The following ZNF69 variants were observed in gnomAD, a reference collection of about 807,000 sequenced individuals.
ZNF69 encodes the protein ZNF3.
A neutral mutation model predicts 50.9 loss-of-function variants in ZNF69; 47 were observed. The ratio of observed to expected loss-of-function variants is 0.92; its 90% CI spans 0.73 to 1.18. ZNF69 has a LOEUF of 1.18. ZNF69 is among the 50% of genes most tolerant of loss of function. The probability of loss-of-function intolerance (pLI) is 0.00; values close to 1 mark genes in which losing one functional copy is unlikely to be tolerated. For missense variants in ZNF69, 717 were observed against 675.1 expected (o/e 1.06, Z -0.69); for synonymous variants, 216 against 223.1 (o/e 0.97, Z 0.29).
At chr19:11,948,560 C>T in the ZNF69 span, 1 of 1,608,512 alleles carries the variant, frequency 6.2e-7, no homozygotes, top group South Asian at 1.1e-5. Context: ...AGGTATCGCC[C>T]ATCCATTAGA....
intron 4 of ZNF69, chr19:11,913,332 G>A (rs751528312): frequency 9.6e-5 from 51 of 529,308 alleles, no homozygotes; most frequent in East Asian, 7.2e-4. Flanking sequence ...TTTTTTTTTC[G>A]GAAATTTTAC....
chr19:11,931,870 C>T, the ZNF69 span, among the ~76,000 whole-genome samples: 5 of 148,126 alleles, frequency 3.4e-5, no homozygotes, highest in Non-Finnish European at 5.9e-5. Flanking sequence ...AATCCCAACA[C>T]TTTAGGAGGT....
chr19:11,948,499 T>C, the ZNF69 span: 1 of 1,613,912 alleles, frequency 6.2e-7, no homozygotes, highest in Non-Finnish European at 8.5e-7. Flanking sequence ...GTATCAGGAA[T>C]ATGGACCAAA....
chr19:11,932,153 G>T, the ZNF69 span, among the ~76,000 whole-genome samples: 2 of 146,982 alleles, frequency 1.4e-5, no homozygotes, highest in African/African-American at 2.7e-5. Flanking sequence ...AAATAAATTA[G>T]TCCAGCCTGG....
chr19:11,944,751 T>C, the ZNF69 span, among the ~76,000 whole-genome samples: 1 of 152,202 alleles, frequency 6.6e-6, no homozygotes, highest in African/African-American at 2.4e-5. Flanking sequence ...GCCGGGACGG[T>C]TGGACCCTGC....
chr19:11,953,798 A>G, the ZNF69 span, among the ~76,000 whole-genome samples: 1 of 152,336 alleles, frequency 6.6e-6, no homozygotes, highest in Admixed American at 6.5e-5. Flanking sequence ...AAACAAATAC[A>G]TACCATAACA....
the ZNF69 span, among the ~76,000 whole-genome samples, chr19:11,966,674 G>A: frequency 0.027 from 4,132 of 152,134 alleles, 167 homozygotes; most frequent in African/African-American, 0.092. Flanking sequence ...TCGCCTGGCC[G>A]CAAGGTATGT....
chr19:11,927,985 T>A, the ZNF69 span, among the ~76,000 whole-genome samples: 1 of 151,942 alleles, frequency 6.6e-6, no homozygotes, highest in African/African-American at 2.4e-5. Context: ...AGAAGGCTGA[T>A]GTATGAGATA....
the ZNF69 span, among the ~76,000 whole-genome samples, chr19:11,971,674 C>A: frequency 2.0e-5 from 3 of 152,136 alleles, no homozygotes; most frequent in Non-Finnish European, 4.4e-5. Flanking sequence ...CCATTTATTG[C>A]ATTTTATATT....
At chr19:11,911,814 TATAATAATA>T (rs574789924) in intron 4 of ZNF69, among the ~76,000 whole-genome samples, 2 of 151,740 alleles carry the variant, frequency 1.3e-5, no homozygotes, top group African/African-American at 2.4e-5. Flanking sequence ...GAACTTAAAG[TATAATAATA>T]ATAATAATAA....
the ZNF69 span, chr19:11,949,124 G>A: frequency 6.2e-7 from 1 of 1,612,424 alleles, no homozygotes; most frequent in Non-Finnish European, 8.5e-7. Flanking sequence ...TGTAAGATAT[G>A]TGGGAAAGGC....
chr19:11,936,489 T>G, the ZNF69 span, among the ~76,000 whole-genome samples: 1 of 152,256 alleles, frequency 6.6e-6, no homozygotes, highest in African/African-American at 2.4e-5. Context: ...ATGTCTTCTT[T>G]TGAGAAATGT....
chr19:11,914,101 A>C (rs1972497918), exon 5 of ZNF69: 2 of 152,182 alleles, frequency 1.3e-5, no homozygotes, highest in African/African-American at 4.8e-5. Flanking sequence ...TGGGAGGCCG[A>C]GGTCAGGAGT....
chr19:11,910,051 T>A (rs1271203130), downstream of ZNF69, among the ~76,000 whole-genome samples: 2 of 151,538 alleles, frequency 1.3e-5, no homozygotes, highest in Non-Finnish European at 2.9e-5. Context: ...AGCCAAATCA[T>A]GAGTGAACTC....
At chr19:11,958,961 C>T in the ZNF69 span, among the ~76,000 whole-genome samples, 2 of 152,184 alleles carry the variant, frequency 1.3e-5, no homozygotes, top group African/African-American at 4.8e-5. Context: ...CGGCTCACTG[C>T]AACCTCTGCC....
At chr19:11,933,118 A>G in the ZNF69 span, among the ~76,000 whole-genome samples, 52 of 147,698 alleles carry the variant, frequency 3.5e-4, 3 homozygotes, top group Admixed American at 2.8e-3. Context: ...AGTTCCCCCT[A>G]TTTTAAACAT....
At position 11,911,814 on chromosome 19, in the gene ZNF69, TATAATA is replaced by T. The variant is rs574789924; in HGVS notation, c.449-1581_449-1576del. Among the ~76,000 whole-genome samples the T allele has an allele frequency of 3.3e-5, 5 of 151,854 alleles. No individual in the cohort carries two copies. The South Asian group carries it at 6.2e-4, about 19-fold the overall frequency. ...TGCACATGTACCCTAGAACTTAAAG[TATAATA>T]ATAATAATAATAAAAGAATGCACTC... is the stretch of plus-strand genomic sequence containing the variant. On this transcript the variant is annotated intron_variant, in intron 4 of 4. Transcript: ENST00000340180.
chr19:11,976,470 T>G, the ZNF69 span, among the ~76,000 whole-genome samples: 1 of 149,006 alleles, frequency 6.7e-6, no homozygotes, highest in Non-Finnish European at 1.5e-5. Context: ...TCATAAGAAT[T>G]GCATGAACTC....
At chr19:11,933,591 CA>C in the ZNF69 span, among the ~76,000 whole-genome samples, 10 of 147,948 alleles carry the variant, frequency 6.8e-5, no homozygotes, top group Non-Finnish European at 1.5e-5. Context: ...CTCGGTTTTG[CA>C]TTTTCCAGAA....
Sources: gnomAD v4.1 joint callset for allele counts (sites outside exome capture counted in the v4.1 genomes callset) on GRCh38, gnomAD v4.1.1 for gene constraint, MANE v1.5 for transcripts, NCBI Gene and HGNC (gene_info 2026-07-23, HGNC 2026-07-21) for gene names.